Variants in ANKS1B observed in about 807,000 individuals in gnomAD.
ANKS1B encodes the protein ankyrin repeat and sterile alpha motif domain-containing protein 1B.
A neutral mutation model predicts 148.3 loss-of-function variants in ANKS1B; 36 were observed. That is an observed-to-expected ratio of 0.24 (90% CI 0.19 to 0.32). ANKS1B has a LOEUF of 0.32. ANKS1B is among the 10% of genes least tolerant of loss of function. The pLI is 1.00. For synonymous variants in ANKS1B, 542 were observed against 560.8 expected, an observed-to-expected ratio of 0.97 and a Z score of 0.47; for missense variants, 1,157 against 1,542.6, an observed-to-expected ratio of 0.75 and a Z score of 4.19.
intron 9 of ANKS1B, among the ~76,000 whole-genome samples, chr12:99,521,075 A>G (rs1567263170): frequency 6.6e-6 from 1 of 152,050 alleles, no homozygotes; most frequent in Non-Finnish European, 1.5e-5. Flanking sequence ...GATTACAGAC[A>G]TGAGCCACTG....
At chr12:99,323,680 G>A (rs199786929) in intron 12 of ANKS1B, among the ~76,000 whole-genome samples, 6 of 152,116 alleles carry the variant, frequency 3.9e-5, no homozygotes, top group Non-Finnish European at 7.4e-5. Context: ...CTTATGGCTT[G>A]TTATTGAAAC....
At chr12:99,897,586 GAAC>G (rs1205713893) in intron 1 of ANKS1B, among the ~76,000 whole-genome samples, 1 of 150,950 alleles carries the variant, frequency 6.6e-6, no homozygotes, top group Non-Finnish European at 1.5e-5. Context: ...AGCTGCCGAG[GAAC>G]AACTACACAG....
intron 16 of ANKS1B, among the ~76,000 whole-genome samples, chr12:99,054,346 G>C (rs1330634329): frequency 1.3e-5 from 2 of 152,086 alleles, no homozygotes; most frequent in Non-Finnish European, 2.9e-5. Flanking sequence ...ATTCTGATTT[G>C]CGAGCAGAGA....
chr12:99,844,868 T>A (rs1027375444), intron 1 of ANKS1B, among the ~76,000 whole-genome samples: 7 of 152,314 alleles, frequency 4.6e-5, no homozygotes, highest in Middle Eastern at 3.4e-3. Flanking sequence ...TCCATGAGCA[T>A]GAAATGTTTT....
At chr12:99,848,990 C>A (rs1052633749) in intron 1 of ANKS1B, among the ~76,000 whole-genome samples, 1 of 151,892 alleles carries the variant, frequency 6.6e-6, no homozygotes, top group Non-Finnish European at 1.5e-5. Flanking sequence ...GAGCTAAACA[C>A]TGGGTATACA....
chr12:99,817,161 T>TCC (rs544453572), intron 2 of ANKS1B, among the ~76,000 whole-genome samples: 14 of 76,412 alleles, frequency 1.8e-4, no homozygotes, highest in Admixed American at 9.9e-4. Context: ...AAATCTCTTC[T>TCC]CCCCCCCCCC....
chr12:98,987,863 A>C (rs147141020), intron 17 of ANKS1B, among the ~76,000 whole-genome samples: 1 of 152,334 alleles, frequency 6.6e-6, no homozygotes, highest in East Asian at 1.9e-4. Flanking sequence ...AGTGATGGAC[A>C]GCAATAAGTT....
intron 15 of ANKS1B, among the ~76,000 whole-genome samples, chr12:99,114,851 G>T (rs532394235): frequency 6.6e-6 from 1 of 151,930 alleles, no homozygotes; most frequent in Non-Finnish European, 1.5e-5. Flanking sequence ...AGACATACAT[G>T]GAGCCAAGAA....
intron 17 of ANKS1B, among the ~76,000 whole-genome samples, chr12:98,900,457 C>T (rs1225069577): frequency 6.6e-6 from 1 of 152,106 alleles, no homozygotes; most frequent in Non-Finnish European, 1.5e-5. Context: ...CTGCCTCCGT[C>T]CTTCAGAATT....
intron 1 of ANKS1B, among the ~76,000 whole-genome samples, chr12:99,906,566 T>C (rs1026313730): frequency 1.3e-5 from 2 of 152,310 alleles, no homozygotes; most frequent in South Asian, 4.1e-4. Flanking sequence ...TGGGCCATAT[T>C]CATCTCATCT....
rs373356515 is a variant in ANKS1B, at chr12:99,196,851, T to C, written c.2420-42456A>G. Among the ~76,000 whole-genome samples, 19 of 152,240 alleles carry C rather than the reference T, an allele frequency of 1.2e-4. No homozygotes were observed. The East Asian group carries it at 2.1e-3, about 17-fold the overall frequency. ...TTGGGTCCAGGGATTGTAAATTGTG[T>C]CCTCAAATCTCTATTTCTTGCTTCT... On this transcript the variant is annotated intron_variant, in intron 14 of 26. Transcript: ENST00000683438.
chr12:99,344,265 G>A (rs1337523616), intron 12 of ANKS1B, among the ~76,000 whole-genome samples: 2 of 152,034 alleles, frequency 1.3e-5, no homozygotes, highest in East Asian at 3.9e-4. Context: ...CCTATTATTT[G>A]TTGACACATT....
At chr12:99,896,821 T>C (rs1309001501) in intron 1 of ANKS1B, among the ~76,000 whole-genome samples, 1 of 151,362 alleles carries the variant, frequency 6.6e-6, no homozygotes, top group Admixed American at 6.6e-5. Flanking sequence ...GCCTACGGAA[T>C]AGAAGCAAAT....
chr12:99,769,083 C>T (rs910417923), intron 8 of ANKS1B, among the ~76,000 whole-genome samples: 1 of 151,830 alleles, frequency 6.6e-6, no homozygotes, highest in African/African-American at 2.4e-5. Flanking sequence ...ATTCAAGAGA[C>T]TTTTAGAAGC....
intron 17 of ANKS1B, chr12:98,895,238 C>G: frequency 3.0e-6 from 3 of 985,662 alleles, no homozygotes; most frequent in Non-Finnish European, 3.6e-6. Flanking sequence ...GGGCCTCCTC[C>G]TGGCTCCCAG....
chr12:98,758,849 C>T (rs2098330228), intron 25 of ANKS1B, among the ~76,000 whole-genome samples: 1 of 138,158 alleles, frequency 7.2e-6, no homozygotes, highest in Non-Finnish European at 1.5e-5. Flanking sequence ...GGTGTGATCT[C>T]AGCTTACTGC....
At chr12:99,779,745 G>GA in intron 6 of ANKS1B, 126 bp downstream of exon 6, 3 of 683,476 alleles carry the variant, frequency 4.4e-6, no homozygotes, top group Admixed American at 3.1e-5. Flanking sequence ...AAGTCTACCA[G>GA]AAAAAAATAA....
At chr12:99,831,935 T>A (rs1229060246) in intron 1 of ANKS1B, among the ~76,000 whole-genome samples, 1 of 152,136 alleles carries the variant, frequency 6.6e-6, no homozygotes, top group Non-Finnish European at 1.5e-5. Context: ...GAAAAGGAAA[T>A]GTGAATGGCT....
intron 10 of ANKS1B, among the ~76,000 whole-genome samples, chr12:99,463,931 A>G (rs1400421988): frequency 6.6e-6 from 1 of 152,182 alleles, no homozygotes; most frequent in Non-Finnish European, 1.5e-5. Flanking sequence ...AGCTTTGAAG[A>G]GAGCAGTGGT....
Sources: allele counts gnomAD v4.1 joint callset (sites outside exome capture counted in the v4.1 genomes callset), GRCh38; gene constraint gnomAD v4.1.1; transcripts MANE v1.5; gene names NCBI Gene and HGNC (gene_info 2026-07-23, HGNC 2026-07-21).